LTBP3: variants seen among roughly 807,000 people sequenced by gnomAD.
LTBP3 encodes the protein latent transforming growth factor beta binding protein 3.
Under a neutral mutation model 159.7 loss-of-function variants are expected in LTBP3, and 97 were observed. That is an observed-to-expected ratio of 0.61 (90% confidence interval 0.52 to 0.72). The LOEUF (loss-of-function observed/expected upper bound fraction) is 0.72. Among genes scored for constraint, LTBP3 ranks in the 30% least tolerant of loss-of-function variants. LTBP3 has a pLI of 0.00. For synonymous variants in LTBP3, 824 were observed against 777.1 expected, an observed-to-expected ratio of 1.06 and a Z score of -1.00; for missense variants, 1,584 against 1,864.3, an observed-to-expected ratio of 0.85 and a Z score of 2.77.
chr11:65,557,589 C>T lies in LTBP3; in HGVS notation c.331+40G>A, dbSNP rs770976335. On this transcript the variant is annotated intron_variant, in intron 1 of 27. Coordinates refer to ENST00000301873, the MANE Select transcript of LTBP3 (RefSeq NM_001130144.3). ...CTAGCTCTCCCACCGGGCCTGGTGC[C>T]TGTCCTTCCCCTGCCCCCAGCCGTG... 13 of 1,603,500 alleles carry T rather than the reference C, an allele frequency of 8.1e-6. No homozygotes were observed. The South Asian group carries it at 1.2e-4, about 15-fold the overall frequency.
Position 65,540,016 on chromosome 11 carries a change from C to A in LTBP3, c.3382G>T (p.Ala1128Ser), listed in dbSNP as rs1380792877. The change falls in exon 24 of 28, where the codon GCC becomes TCC. Residue 1128 changes from alanine (A) to serine (S), a missense_variant. Around this residue, in one of 6 missense-constraint regions of LTBP3, gnomAD observed 514 missense variants for 530.3 expected, o/e 0.97. Coordinates refer to ENST00000301873, the MANE Select transcript of LTBP3 (RefSeq NM_001130144.3). ...CAAGGCCAACCCTCGCCCTCACCGG[C>A]CGGGCTCTCGGGGAGCTGGCAATCG... is the stretch of plus-strand genomic sequence containing the variant. ...GRDCQLPESP[A>S]ERAPERRDVC... is the part of the protein sequence containing the mutation. 2.7e-6 allele frequency: 4 copies of A among 1,497,618 alleles called. No homozygotes were observed. The highest frequency in any genetic ancestry group is 3.5e-6 in the Non-Finnish European group (4 of 1,129,406). The allele number at this position is 1,497,618 out of a possible 1,614,324, so 92.8% of individuals were successfully genotyped here. A position where few individuals can be genotyped will look rare whatever the true frequency, so the allele number is the denominator to read the frequency against.
At position 65,552,280 on chromosome 11, in the gene LTBP3, G is replaced by A. The variant is rs11545200; in HGVS notation, c.1313C>T (p.Ala438Val). 0.07 allele frequency: 113,685 copies of A among 1,614,110 alleles called. 4,696 individuals carry two copies. The highest frequency in any genetic ancestry group is 0.15 in the South Asian group (13,634 of 91,088). ...ATCTGTTGGGCAGCGCTGACACCGCGCGCCCCAGGCCTTGCCGACACTGCA... is the reference window on the plus strand; with the variant it reads ...ATCTGTTGGGCAGCGCTGACACCGCACGCCCCAGGCCTTGCCGACACTGCA... ...CCCSVGKAWGARCQRCPTDGT... is the reference protein window; with the variant it reads ...CCCSVGKAWGVRCQRCPTDGT... The change falls in exon 7 of 28, where the codon GCG (alanine) becomes GTG (valine). Residue 438 changes from alanine to valine, a missense_variant. Transcript: ENST00000301873. This position sits in a 1 kb window ranked among gnomAD's most constrained non-coding sequence, Gnocchi z 6.0.
Position 65,552,338 on chromosome 11 carries a change from GTGGGTGCTGGCACTGGTGCTCAGGGC to G in LTBP3, c.1229_1254del (p.Ser410ThrfsTer59). 1 of 1,614,106 alleles carries G rather than the reference GTGGGTGCTGGCACTGGTGCTCAGGGC, an allele frequency of 6.2e-7. No homozygotes were observed. The highest frequency in any genetic ancestry group is 8.5e-7 in the Non-Finnish European group (1 of 1,180,004). On this transcript the variant is annotated frameshift_variant, in exon 7 of 28. Transcript: ENST00000301873. LOFTEE classifies it high-confidence loss of function. The surrounding 1 kb of genome is among the most constrained non-coding windows in gnomAD (Gnocchi z 6.0). The stretch of plus-strand genomic sequence containing the variant: ...AGCTGGCGGGTCAGGCGGGTGGTCA[GTGGGTGCTGGCACTGGTGCTCAGGGC>G]TCACCAGGCGGAAACACAGGCTCTT...
In LTBP3 at chr11:65,539,090, C is replaced by T. The variant is rs1239972478; in HGVS notation, c.3902G>A (p.Arg1301His). The change falls in exon 28 of 28, where the codon CGC becomes CAC. Residue 1301 changes from arginine (R) to histidine (H), a missense_variant. By Grantham distance (29) the Arg-to-His change is conservative (BLOSUM62 0). This residue lies in a region of LTBP3 where 514 missense variants were observed against 530.3 expected (regional missense o/e 0.97). Transcript: ENST00000301873. ...GCGGCGTCGGCGGCGTCAGCGGCGG[C>T]GCTGGGGAACGCAGGCCCCGTGCGG... ...SRPHGACVPQ[R>H]RR 31 of 1,427,910 alleles carry T rather than the reference C, an allele frequency of 2.2e-5. No homozygotes were observed. Among genetic ancestry groups the T allele is most frequent in the Non-Finnish European group, 2.7e-5 (29 of 1,088,646 alleles). 88.5% of individuals were successfully genotyped at this position (1,427,910 alleles called of 1,614,324 possible).
In LTBP3 at chr11:65,556,913, G is replaced by A. The variant is rs183308828; in HGVS notation, c.331+716C>T. Among the ~76,000 whole-genome samples, 935 of 151,986 alleles carry A rather than the reference G, an allele frequency of 6.2e-3. 9 individuals are homozygous for A. Among genetic ancestry groups the A allele is most frequent in the Non-Finnish European group, 8.3e-3 (563 of 67,936 alleles). On this transcript the variant is annotated intron_variant, in intron 1 of 27. Transcript: ENST00000301873. ...AGCCCCAGGCCTGGCCCTTTAAAGA[G>A]AGATGCTGGGGAGGGGGTGGACTCC...
rs529492457 is a variant in LTBP3, at chr11:65,554,901, G to A, written c.332-521C>T. Among the ~76,000 whole-genome samples the A allele has an allele frequency of 6.6e-5, 10 of 151,580 alleles. No individual in the cohort carries two copies. In the South Asian group the frequency reaches 1.9e-3, roughly 29 times the overall value. ...CTCTCCCTCTTCACCATCCTGGGGC[G>A]CCCACCTCACCACTGCCAAAGATGT... is the stretch of plus-strand genomic sequence containing the variant. On this transcript the variant is annotated intron_variant, in intron 1 of 27. Transcript: ENST00000301873. This position sits in a 1 kb window ranked among gnomAD's most constrained non-coding sequence, Gnocchi z 5.3.
At chr11:65,557,189 T>C (rs570131002) in intron 1 of LTBP3, among the ~76,000 whole-genome samples, 1 of 152,274 alleles carries the variant, frequency 6.6e-6, no homozygotes, top group African/African-American at 2.4e-5. Context: ...TGCAGGTGTC[T>C]ACTCTGGCAG....
At position 65,539,794 on chromosome 11, in the gene LTBP3, G is replaced by A. The variant is rs763932569; in HGVS notation, c.3473C>T (p.Thr1158Ile). ...CAGPLAGPAL[T>I]FDDCCCRQGR... ...CTGGCGGCAGCAGCAGTCGTCGAAGGTGAGGGCAGGCCCGGCCAGGGGGCC... is the reference window on the plus strand; with the variant it reads ...CTGGCGGCAGCAGCAGTCGTCGAAGATGAGGGCAGGCCCGGCCAGGGGGCC... Residue 1158 changes from threonine to isoleucine, a missense_variant, in exon 25 of 28, where the codon ACC becomes ATC. By Grantham distance (89) the Thr-to-Ile change is moderately conservative (BLOSUM62 -1). Coordinates refer to ENST00000301873, the MANE Select transcript of LTBP3 (RefSeq NM_001130144.3). 9 of 1,544,180 alleles carry A rather than the reference G, an allele frequency of 5.8e-6. No individual in the cohort carries two copies. Among genetic ancestry groups the A allele is most frequent in the East Asian group, 4.8e-5 (2 of 41,918 alleles).
chr11:65,539,739 C>T lies in LTBP3; in HGVS notation c.3528G>A (p.Pro1176=), dbSNP rs1855982467. ...QGRGWGAQCR[P]CPPRGAGSHC... is the part of the protein sequence containing the mutation. The stretch of plus-strand genomic sequence containing the variant: ...CCTTACCCGCGCCGCGCGGCGGGCA[C>T]GGTCGGCATTGGGCGCCCCAGCCGC... Residue 1176 remains proline (P), a synonymous_variant, in exon 25 of 28, where the codon CCG becomes CCA. Transcript: ENST00000301873. 1 of 1,546,714 alleles carries T rather than the reference C, an allele frequency of 6.5e-7. No individual in the cohort carries two copies. Among genetic ancestry groups the T allele is most frequent in the Admixed American group, 1.9e-5 (1 of 52,108 alleles).
Position 65,539,008 on chromosome 11 carries a change from A to G in LTBP3, c.*72T>C. On this transcript the variant is annotated 3_prime_UTR_variant, in exon 28 of 28. Transcript: ENST00000301873. Reference sequence around the variant, plus strand: ...CTGGGTCCGAGCCACAAGTCGGGGCAGAAGTGAGGCCGAGCTCGCGGAAAT... The same window carrying G: ...CTGGGTCCGAGCCACAAGTCGGGGCGGAAGTGAGGCCGAGCTCGCGGAAAT... The G allele has an allele frequency of 7.6e-7, 1 of 1,323,462 alleles. No individual in the cohort carries two copies. 82.0% of individuals were successfully genotyped at this position (1,323,462 alleles called of 1,614,324 possible).
intron 21 of LTBP3, 54 bp downstream of exon 21, chr11:65,540,817 G>T: frequency 6.4e-7 from 1 of 1,562,184 alleles, no homozygotes; most frequent in Non-Finnish European, 8.7e-7. Context: ...GGATCCGGGC[G>T]AGCCCAACCC....
chr11:65,545,299 A>C (rs944767041), intron 16 of LTBP3: 2 of 198,522 alleles, frequency 1.0e-5, no homozygotes, highest in East Asian at 7.7e-5. Context: ...CTGCTTACCC[A>C]ACCCACCTTG....
At chr11:65,550,845 C>CA (rs965450751) in intron 11 of LTBP3, among the ~76,000 whole-genome samples, 41 of 151,388 alleles carry the variant, frequency 2.7e-4, no homozygotes, top group Admixed American at 1.1e-3. Context: ...AAACAAAAAA[C>CA]AAAAAAAAAC....
At position 65,551,033 on chromosome 11, in the gene LTBP3, A is replaced by G. The variant is rs905461707; in HGVS notation, c.1720+93T>C. On this transcript the variant is annotated intron_variant, in intron 11 of 27. Coordinates refer to ENST00000301873, the MANE Select transcript of LTBP3 (RefSeq NM_001130144.3). ...AGCCCTGGATACACGCTAGCCTATT[A>G]GCGCTAGGGAATGCCTGGGGGCGGG... is the stretch of plus-strand genomic sequence containing the variant. 11 of 968,432 alleles carry G rather than the reference A, an allele frequency of 1.1e-5. No individual in the cohort carries two copies. In the East Asian group the frequency reaches 2.6e-4, roughly 23 times the overall value. The allele number at this position is 968,432 out of a possible 1,614,324, so 60.0% of individuals were successfully genotyped here. A position where few individuals can be genotyped will look rare whatever the true frequency, so the allele number is the denominator to read the frequency against.
At position 65,554,162 on chromosome 11, in the gene LTBP3, C is replaced by T. The variant is rs1025336212; in HGVS notation, c.550G>A (p.Ala184Thr). Residue 184 changes from alanine (A) to threonine (T), a missense_variant, in exon 2 of 28, where the codon GCC (alanine) becomes ACC (threonine). Around this residue, in one of 6 missense-constraint regions of LTBP3, gnomAD observed 194 missense variants for 198.7 expected, o/e 0.98. Coordinates refer to ENST00000301873, the MANE Select transcript of LTBP3 (RefSeq NM_001130144.3). This position sits in a 1 kb window ranked among gnomAD's most constrained non-coding sequence, Gnocchi z 5.3. ...GCGATCACCTGGACGGCGTAGATGG[C>T]GTGCTTGCTGGCCACAGAGTCGCCC... ...PEGDSVASKH[A>T]IYAVQVIADP... 3.7e-6 allele frequency: 6 copies of T among 1,611,954 alleles called. No individual in the cohort carries two copies. The highest frequency in any genetic ancestry group is 2.7e-5 in the African/African-American group (2 of 74,840).
Position 65,553,905 on chromosome 11 carries a change from TG to T in LTBP3, c.662-3del. The T allele has an allele frequency of 6.9e-7, 1 of 1,457,930 alleles. No individual in the cohort carries two copies. The highest frequency in any genetic ancestry group is 9.1e-7 in the Non-Finnish European group (1 of 1,094,470). The allele number at this position is 1,457,930 out of a possible 1,614,324, so 90.3% of individuals were successfully genotyped here. A position where few individuals can be genotyped will look rare whatever the true frequency, so the allele number is the denominator to read the frequency against. On this transcript the variant is annotated splice_region_variant and splice_polypyrimidine_tract_variant and intron_variant, in intron 2 of 27. Coordinates refer to ENST00000301873, the MANE Select transcript of LTBP3 (RefSeq NM_001130144.3). This position sits in a 1 kb window ranked among gnomAD's most constrained non-coding sequence, Gnocchi z 6.5. ...TCACCACGGGGGGCGGGGCCTGCAC[TG>T]GGGGCGGGCGCGGTGGCCTCAGGGC...
chr11:65,546,725 C>CCCCCCCCCACCG lies in LTBP3; in HGVS notation c.2230+72_2230+73insCGGTGGGGGGGG. The CCCCCCCCCACCG allele has an allele frequency of 6.6e-7, 1 of 1,520,830 alleles. No individual in the cohort carries two copies. The highest frequency in any genetic ancestry group is 8.9e-7 in the Non-Finnish European group (1 of 1,126,930). The allele number at this position is 1,520,830 out of a possible 1,614,324, so 94.2% of individuals were successfully genotyped here. A position where few individuals can be genotyped will look rare whatever the true frequency, so the allele number is the denominator to read the frequency against. On this transcript the variant is annotated intron_variant, in intron 15 of 27. Transcript: ENST00000301873. This position sits in a 1 kb window ranked among gnomAD's most constrained non-coding sequence, Gnocchi z 4.0. ...CGCCAATCACCACCGCTACCCCGCC[C>CCCCCCCCCACCG]CGCCCCCAGCGGAGCCAGACTGGGG...
At position 65,553,353 on chromosome 11, in the gene LTBP3, A is replaced by G. The variant is rs571053309; in HGVS notation, c.970+72T>C. The G allele has an allele frequency of 1.1e-5, 8 of 758,270 alleles. No individual in the cohort carries two copies. The African/African-American group carries it at 1.5e-4, about 14-fold the overall frequency. 47.0% of individuals were successfully genotyped at this position (758,270 alleles called of 1,614,324 possible). A position where few individuals can be genotyped will look rare whatever the true frequency, so the allele number is the denominator to read the frequency against. ...GGAATCTGGTGACCTGGGGACTCCC[A>G]CTGCAGGGATGGGTGGGGTGGGTGG... On this transcript the variant is annotated intron_variant, in intron 4 of 27. Coordinates refer to ENST00000301873, the MANE Select transcript of LTBP3 (RefSeq NM_001130144.3). The surrounding 1 kb of genome is among the most constrained non-coding windows in gnomAD (Gnocchi z 6.5).
In LTBP3 at chr11:65,551,541, TACTC is replaced by T. The variant is rs1856613770; in HGVS notation, c.1548+3_1548+6del. 1.2e-6 allele frequency: 2 copies of T among 1,614,006 alleles called. No individual in the cohort carries two copies. The highest frequency in any genetic ancestry group is 1.7e-6 in the Non-Finnish European group (2 of 1,179,998). On this transcript the variant is annotated splice_donor_5th_base_variant and intron_variant, in intron 9 of 27. Coordinates refer to ENST00000301873, the MANE Select transcript of LTBP3 (RefSeq NM_001130144.3). Reference sequence around the variant, plus strand: ...CCCACCCCTCCCATCTGGGTTCTCATACTCACTGAGTCCGTGGTCACCCCTAAAA... The same window carrying T: ...CCCACCCCTCCCATCTGGGTTCTCATACTGAGTCCGTGGTCACCCCTAAAA...
Sources: allele counts gnomAD v4.1 joint callset (sites outside exome capture counted in the v4.1 genomes callset), GRCh38; gene constraint gnomAD v4.1.1; regional missense constraint gnomAD v4.1.1; non-coding constraint Gnocchi (gnomAD v3.1); transcripts MANE v1.5; gene names NCBI Gene and HGNC (gene_info 2026-07-23, HGNC 2026-07-21).